The following HSBP1 variants were observed in gnomAD, a reference collection of about 807,000 sequenced individuals.
HSBP1 encodes the protein heat shock factor binding protein 1, also known as heat shock factor-binding protein 1.
HSBP1 carries 5 observed loss-of-function variants against 9.6 expected under a neutral mutation model. The observed-to-expected ratio is 0.52, with a 90% CI of 0.27 to 1.09. The LOEUF (loss-of-function observed/expected upper bound fraction) is 1.09. HSBP1 is among the 50% of genes least tolerant of loss of function. HSBP1 has a pLI of 0.11. For missense variants in HSBP1, 121 were observed against 96.3 expected, an observed-to-expected ratio of 1.26 and a Z score of -1.07; for synonymous variants, 42 against 33.3, an observed-to-expected ratio of 1.26 and a Z score of -0.90.
At position 83,814,233 on chromosome 16, in the gene HSBP1, G is replaced by A. The variant is rs1446246992; in HGVS notation, c.*2815G>A. ...TACAGTTACCAAATGTTCACAGCTA[G>A]CGCCATTGAAAGCATTGACTGTAAA... On this transcript the variant is annotated 3_prime_UTR_variant, in exon 4 of 4. Transcript: ENST00000433866. 6.6e-6 allele frequency: 1 copy of A among 152,248 alleles called. No individual in the cohort carries two copies. Among genetic ancestry groups the A allele is most frequent in the African/African-American group, 2.4e-5 (1 of 41,460 alleles). 9.4% of individuals were successfully genotyped at this position (152,248 alleles called of 1,614,324 possible). A position where few individuals can be genotyped will look rare whatever the true frequency, so the allele number is the denominator to read the frequency against.
At position 83,819,641 on chromosome 16, in the gene HSBP1, G is replaced by A. The variant is rs769242483; in HGVS notation, c.*8223G>A. On this transcript the variant is annotated 3_prime_UTR_variant, in exon 4 of 4. Transcript: ENST00000433866. ...TCATTTAAAGCTTCCTGAGTGTTTCGGTTGATTAAAAAGCTTTTAAAGAGC... is the reference window on the plus strand; with the variant it reads ...TCATTTAAAGCTTCCTGAGTGTTTCAGTTGATTAAAAAGCTTTTAAAGAGC... 6.6e-6 allele frequency: 1 copy of A among 152,120 alleles called. No homozygotes were observed. Among genetic ancestry groups the A allele is most frequent in the South Asian group, 2.1e-4 (1 of 4,828 alleles). 9.4% of individuals were successfully genotyped at this position (152,120 alleles called of 1,614,324 possible).
At position 83,808,563 on chromosome 16, in the gene HSBP1, C is replaced by A; in HGVS notation, c.46-117C>A. On this transcript the variant is annotated intron_variant, in intron 1 of 3. Coordinates refer to ENST00000433866, the MANE Select transcript of HSBP1 (RefSeq NM_001537.4). ...AAGGAAGATCTTGCTGAAGGCCGCA[C>A]AGCTGTCCAGAGGCAGAAATGGGGC... 4.1e-6 allele frequency: 3 copies of A among 724,272 alleles called. No homozygotes were observed. The South Asian group carries it at 5.2e-5, about 13-fold the overall frequency. 44.9% of individuals were successfully genotyped at this position (724,272 alleles called of 1,614,324 possible).
chr16:83,811,970 C>G lies in HSBP1; in HGVS notation c.*552C>G, dbSNP rs965031957. 2.0e-5 allele frequency: 3 copies of G among 152,650 alleles called. No individual in the cohort carries two copies. Among genetic ancestry groups the G allele is most frequent in the African/African-American group, 4.8e-5 (2 of 41,458 alleles). The allele number at this position is 152,650 out of a possible 1,614,324, so 9.5% of individuals were successfully genotyped here. On this transcript the variant is annotated 3_prime_UTR_variant, in exon 4 of 4. Coordinates refer to ENST00000433866, the MANE Select transcript of HSBP1 (RefSeq NM_001537.4). ...ATCTGTCACTGCTCTGTTGCCAAAA[C>G]TCAGAATAGAACTTAGACGTATGTC...
Position 83,808,101 on chromosome 16 carries a change from G to T in HSBP1, c.25G>T (p.Val9Leu). Residue 9 changes from valine (V) to leucine (L), a missense_variant, in exon 1 of 4, where the codon GTG becomes TTG. Physicochemically the swap from Val to Leu is conservative, Grantham distance 32 (BLOSUM62 1). Coordinates refer to ENST00000433866, the MANE Select transcript of HSBP1 (RefSeq NM_001537.4). ...GATGGCCGAGACTGACCCCAAGACC[G>T]TGCAGGACCTCACCTCGGTGGTAAG... Reference protein sequence around the residue: MAETDPKTVQDLTSVVQTL... With the variant: MAETDPKTLQDLTSVVQTL... The T allele has an allele frequency of 1.3e-6, 2 of 1,547,322 alleles. No homozygotes were observed. Among genetic ancestry groups the T allele is most frequent in the Non-Finnish European group, 1.7e-6 (2 of 1,145,026 alleles).
rs1412866391 is a variant in HSBP1 at position 83,817,118 on chromosome 16, T to TTCATC, written c.*5702_*5706dup. ...CCATGGGTGGGCCCAGACAGCAGTGTTCATCTTAGACTCCAGTGTGCAGTC... is the reference window on the plus strand; with the variant it reads ...CCATGGGTGGGCCCAGACAGCAGTGTTCATCTCATCTTAGACTCCAGTGTGCAGTC... On this transcript the variant is annotated 3_prime_UTR_variant, in exon 4 of 4. Transcript: ENST00000433866. 2.0e-5 allele frequency: 3 copies of TTCATC among 152,202 alleles called. No individual in the cohort carries two copies. Among genetic ancestry groups the TTCATC allele is most frequent in the African/African-American group, 4.8e-5 (2 of 41,438 alleles). The allele number at this position is 152,202 out of a possible 1,614,324, so 9.4% of individuals were successfully genotyped here.
intron 1 of HSBP1, chr16:83,808,465 C>T (rs918082323): frequency 1.7e-6 from 1 of 582,806 alleles, no homozygotes; most frequent in Non-Finnish European, 3.1e-6. Flanking sequence ...CCTAAAGACC[C>T]TGAGCTTTGA....
rs1904698468 is a variant in HSBP1 at position 83,815,492 on chromosome 16, A to G, written c.*4074A>G. 1 of 141,910 alleles carries G rather than the reference A, an allele frequency of 7.0e-6. No individual in the cohort carries two copies. Among genetic ancestry groups the G allele is most frequent in the African/African-American group, 2.7e-5 (1 of 37,598 alleles). 8.8% of individuals were successfully genotyped at this position (141,910 alleles called of 1,614,324 possible). A position where few individuals can be genotyped will look rare whatever the true frequency, so the allele number is the denominator to read the frequency against. On this transcript the variant is annotated 3_prime_UTR_variant, in exon 4 of 4. Transcript: ENST00000433866. ...GGACGACTCCACTCCAGCCGGGGTGACAGAGCAAGACCCTGTCTCAAAAAA... is the reference window on the plus strand; with the variant it reads ...GGACGACTCCACTCCAGCCGGGGTGGCAGAGCAAGACCCTGTCTCAAAAAA...
chr16:83,809,457 CTTTTCTTT>C, intron 3 of HSBP1, 32 bp downstream of exon 3: 1 of 645,772 alleles, frequency 1.5e-6, no homozygotes, highest in South Asian at 2.4e-5. Flanking sequence ...TTTTTCTTTT[CTTTTCTTT>C]TTTTTTTTTT....
chr16:83,819,607 G>A lies in HSBP1; in HGVS notation c.*8189G>A, dbSNP rs1262713487. On this transcript the variant is annotated 3_prime_UTR_variant, in exon 4 of 4. Transcript: ENST00000433866. ...CATTTCAACTCTTAAGCCACAAAAGGATATCCAATCATTTAAAGCTTCCTG... is the reference window on the plus strand; with the variant it reads ...CATTTCAACTCTTAAGCCACAAAAGAATATCCAATCATTTAAAGCTTCCTG... The A allele has an allele frequency of 6.6e-6, 1 of 152,086 alleles. No homozygotes were observed. Among genetic ancestry groups the A allele is most frequent in the Non-Finnish European group, 1.5e-5 (1 of 68,022 alleles). 9.4% of individuals were successfully genotyped at this position (152,086 alleles called of 1,614,324 possible). A position where few individuals can be genotyped will look rare whatever the true frequency, so the allele number is the denominator to read the frequency against.
intron 3 of HSBP1, among the ~76,000 whole-genome samples, chr16:83,811,106 T>C (rs1008090609): frequency 6.6e-6 from 1 of 152,314 alleles, no homozygotes; most frequent in Non-Finnish European, 1.5e-5. Context: ...TCTCAGATGC[T>C]TCTGTGGGTC....
At chr16:83,809,284 C>T (rs757298124) in intron 2 of HSBP1, 21 bp from the exon 3 acceptor site, 8 of 1,437,698 alleles carry the variant, frequency 5.6e-6, no homozygotes, top group African/African-American at 1.4e-5. Context: ...TGTTGGCACG[C>T]GTTGTCTTTA....
intron 2 of HSBP1, chr16:83,809,037 T>C: frequency 3.6e-6 from 2 of 551,760 alleles, no homozygotes; most frequent in South Asian, 2.4e-5. Flanking sequence ...AGCATGACCT[T>C]ATGAGTGGGT....
At position 83,813,755 on chromosome 16, in the gene HSBP1, A is replaced by T. The variant is rs921790728; in HGVS notation, c.*2337A>T. ...CTCGCACCAAGGAAAACAGCGTTAC[A>T]TTTAATTAAGTGCCCTGTCTCAAAC... is the stretch of plus-strand genomic sequence containing the variant. On this transcript the variant is annotated 3_prime_UTR_variant, in exon 4 of 4. Coordinates refer to ENST00000433866, the MANE Select transcript of HSBP1 (RefSeq NM_001537.4). The T allele has an allele frequency of 1.3e-5, 2 of 152,210 alleles. No homozygotes were observed. Among genetic ancestry groups the T allele is most frequent in the African/African-American group, 4.8e-5 (2 of 41,442 alleles). The allele number at this position is 152,210 out of a possible 1,614,324, so 9.4% of individuals were successfully genotyped here. A position where few individuals can be genotyped will look rare whatever the true frequency, so the allele number is the denominator to read the frequency against.
Position 83,815,834 on chromosome 16 carries a change from T to C in HSBP1, c.*4416T>C, listed in dbSNP as rs1904707568. ...AATCTTCGCAATAATGATCTAATAA[T>C]GGTCAAATTCTGTGTCTCTACCGTA... On this transcript the variant is annotated 3_prime_UTR_variant, in exon 4 of 4. Transcript: ENST00000433866. 2 of 152,192 alleles carry C rather than the reference T, an allele frequency of 1.3e-5. No homozygotes were observed. Among genetic ancestry groups the C allele is most frequent in the Admixed American group, 1.3e-4 (2 of 15,280 alleles). The allele number at this position is 152,192 out of a possible 1,614,324, so 9.4% of individuals were successfully genotyped here.
rs1904696883 is a variant in HSBP1 at position 83,815,433 on chromosome 16, G to C, written c.*4015G>C. ...AGGCTGAGGTGGGAGGATCATTTGA[G>C]CCCAGGAAGTCGAGGTTGCAGTGAG... On this transcript the variant is annotated 3_prime_UTR_variant, in exon 4 of 4. Coordinates refer to ENST00000433866, the MANE Select transcript of HSBP1 (RefSeq NM_001537.4). The C allele has an allele frequency of 6.6e-6, 1 of 151,260 alleles. No homozygotes were observed. The highest frequency in any genetic ancestry group is 2.4e-5 in the African/African-American group (1 of 41,062). The allele number at this position is 151,260 out of a possible 1,614,324, so 9.4% of individuals were successfully genotyped here.
rs1224970492 is a variant in HSBP1, at chr16:83,815,722, GACACCA to G, written c.*4305_*4310del. ...GCTTCATTTTACCAAAGCATATGTA[GACACCA>G]CATACATGAACTACATACCTATCGT... On this transcript the variant is annotated 3_prime_UTR_variant, in exon 4 of 4. Coordinates refer to ENST00000433866, the MANE Select transcript of HSBP1 (RefSeq NM_001537.4). 5.9e-5 allele frequency: 9 copies of G among 152,088 alleles called. No homozygotes were observed. The highest frequency in any genetic ancestry group is 1.5e-5 in the Non-Finnish European group (1 of 68,026). 9.4% of individuals were successfully genotyped at this position (152,088 alleles called of 1,614,324 possible).
rs541519465 is a variant in HSBP1, at chr16:83,819,541, A to C, written c.*8123A>C. On this transcript the variant is annotated 3_prime_UTR_variant, in exon 4 of 4. Transcript: ENST00000433866. ...CGCCATGAAGACTTGAATCACTTTA[A>C]AGCAATTTGCTTCTTATTAAAATGT... The C allele has an allele frequency of 6.6e-6, 1 of 152,134 alleles. No individual in the cohort carries two copies. The highest frequency in any genetic ancestry group is 2.1e-4 in the South Asian group (1 of 4,830). 9.4% of individuals were successfully genotyped at this position (152,134 alleles called of 1,614,324 possible). A position where few individuals can be genotyped will look rare whatever the true frequency, so the allele number is the denominator to read the frequency against.
chr16:83,808,398 C>A (rs962665136), intron 1 of HSBP1: 3 of 557,184 alleles, frequency 5.4e-6, no homozygotes, highest in Non-Finnish European at 9.4e-6. Flanking sequence ...CCTCTGACAC[C>A]CTCCCCGCCC....
chr16:83,808,351 C>A, intron 1 of HSBP1: 1 of 552,336 alleles, frequency 1.8e-6, no homozygotes, highest in Non-Finnish European at 3.2e-6. Flanking sequence ...TAGCCCCATT[C>A]ATCTGTCGCG....
Sources: gnomAD v4.1 joint callset for allele counts (sites outside exome capture counted in the v4.1 genomes callset) on GRCh38, gnomAD v4.1.1 for gene constraint, MANE v1.5 for transcripts, NCBI Gene and HGNC (gene_info 2026-07-23, HGNC 2026-07-21) for gene names.